GCNT1: variants seen among roughly 807,000 people sequenced by gnomAD.
The protein encoded by GCNT1 is beta-1,3-galactosyl-O-glycosyl-glycoprotein beta-1,6-N-acetylglucosaminyltransferase.
In GCNT1, 16 loss-of-function variants were observed where a neutral mutation model predicts 26.2. The ratio of observed to expected loss-of-function variants is 0.61; its 90% CI spans 0.41 to 0.93. The LOEUF is 0.93. Ranked by LOEUF, GCNT1 falls within the 40% of genes least tolerant of loss-of-function variation. The pLI is 0.00. For synonymous variants in GCNT1, 183 were observed against 190.8 expected, an observed-to-expected ratio of 0.96 and a Z score of 0.34; for missense variants, 477 against 526.7, an observed-to-expected ratio of 0.91 and a Z score of 0.92.
intron 1 of GCNT1, among the ~76,000 whole-genome samples, chr9:76,427,534 A>C (rs1164905478): frequency 6.6e-6 from 1 of 152,158 alleles, no homozygotes. Context: ...CTGAAGAAAA[A>C]TTTGACAATA....
At chr9:76,480,439 C>T (rs1423123852) in intron 2 of GCNT1, among the ~76,000 whole-genome samples, 2 of 152,094 alleles carry the variant, frequency 1.3e-5, no homozygotes, top group African/African-American at 4.8e-5. Context: ...CTATAAATTA[C>T]CTTGGGCAGT....
At position 76,503,718 on chromosome 9, in the gene GCNT1, C is replaced by A; in HGVS notation, c.*50C>A. 1 of 1,411,350 alleles carries A rather than the reference C, an allele frequency of 7.1e-7. No homozygotes were observed. Among genetic ancestry groups the A allele is most frequent in the Non-Finnish European group, 1.0e-6 (1 of 1,001,364 alleles). 87.4% of individuals were successfully genotyped at this position (1,411,350 alleles called of 1,614,324 possible). A position where few individuals can be genotyped will look rare whatever the true frequency, so the allele number is the denominator to read the frequency against. ...AGAAGAAGGATACACAAAACGTACC[C>A]TTATCTGTTTCCCCTTCCTTGTCAG... On this transcript the variant is annotated 3_prime_UTR_variant, in exon 4 of 4. Coordinates refer to ENST00000376730, the MANE Select transcript of GCNT1 (RefSeq NM_001490.5).
chr9:76,411,473 T>C, the GCNT1 span, among the ~76,000 whole-genome samples: 2 of 151,318 alleles, frequency 1.3e-5, no homozygotes, highest in African/African-American at 4.9e-5. Flanking sequence ...AAACTACACA[T>C]GTATGCCACC....
At chr9:76,413,665 T>TTG in the GCNT1 span, among the ~76,000 whole-genome samples, 1,491 of 116,800 alleles carry the variant, frequency 0.013, 24 homozygotes, top group Non-Finnish European at 0.022. Flanking sequence ...TTTTTTTTTT[T>TTG]TTGTTTTTTT....
chr9:76,458,257 A>G (rs962796205), upstream of GCNT1, among the ~76,000 whole-genome samples: 2 of 131,192 alleles, frequency 1.5e-5, no homozygotes, highest in Admixed American at 9.8e-5. Flanking sequence ...ATCTCGGCTC[A>G]CTGCAAGCTC....
intron 1 of GCNT1, among the ~76,000 whole-genome samples, chr9:76,449,644 C>G (rs1587417270): frequency 6.6e-6 from 1 of 152,208 alleles, no homozygotes; most frequent in Non-Finnish European, 1.5e-5. Context: ...CCCCATTTCC[C>G]TTGTCTAGTA....
the GCNT1 span, among the ~76,000 whole-genome samples, chr9:76,401,674 G>A: frequency 1.3e-5 from 2 of 152,182 alleles, no homozygotes; most frequent in African/African-American, 4.8e-5. Flanking sequence ...TATGGGAGAT[G>A]CCCAGGGAAT....
At chr9:76,408,720 C>G in the GCNT1 span, among the ~76,000 whole-genome samples, 1 of 152,096 alleles carries the variant, frequency 6.6e-6, no homozygotes, top group East Asian at 1.9e-4. Context: ...GAGTCTCACT[C>G]TGTCACCCAG....
upstream of GCNT1, among the ~76,000 whole-genome samples, chr9:76,456,849 C>A (rs1249569535): frequency 6.6e-6 from 1 of 152,154 alleles, no homozygotes; most frequent in Non-Finnish European, 1.5e-5. Context: ...TGGCACACAC[C>A]TGTAGTCCCA....
Position 76,503,801 on chromosome 9 carries a change from T to A in GCNT1, c.*133T>A, listed in dbSNP as rs1478774745. Reference sequence around the variant, plus strand: ...GCAGGGACTCTAGTAGATCTTCTTGTCAGAGAAGCTGCATGGTTTCTGCAG... The same window carrying A: ...GCAGGGACTCTAGTAGATCTTCTTGACAGAGAAGCTGCATGGTTTCTGCAG... On this transcript the variant is annotated 3_prime_UTR_variant, in exon 4 of 4. Transcript: ENST00000376730. The A allele has an allele frequency of 1.4e-6, 1 of 696,890 alleles. No homozygotes were observed. Among genetic ancestry groups the A allele is most frequent in the African/African-American group, 1.8e-5 (1 of 55,884 alleles). 43.2% of individuals were successfully genotyped at this position (696,890 alleles called of 1,614,324 possible).
chr9:76,456,930 G>A (rs924190974), upstream of GCNT1, among the ~76,000 whole-genome samples: 1 of 152,184 alleles, frequency 6.6e-6, no homozygotes, highest in African/African-American at 2.4e-5. Context: ...AGCTGTGATT[G>A]CGCCACTGTG....
At chr9:76,422,964 T>C (rs1156466466) in intron 1 of GCNT1, among the ~76,000 whole-genome samples, 1 of 152,260 alleles carries the variant, frequency 6.6e-6, no homozygotes, top group East Asian at 1.9e-4. Context: ...GGTAGACTAA[T>C]GTAATAAGTA....
In GCNT1 at chr9:76,483,403, G is replaced by T. The variant is rs945651428; in HGVS notation, c.-289-17513G>T. On this transcript the variant is annotated intron_variant, in intron 2 of 3. Transcript: ENST00000376730. ...AAGTTCTTTCTACTATTAAGGAGGG[G>T]TTTTTTTTTTATTGTTTTTTGTTTT... Among the ~76,000 whole-genome samples the T allele has an allele frequency of 4.6e-3, 691 of 148,788 alleles. 10 individuals carry two copies. Among genetic ancestry groups the T allele is most frequent in the African/African-American group, 0.016 (640 of 40,428 alleles).
intron 1 of GCNT1, among the ~76,000 whole-genome samples, chr9:76,424,159 A>C (rs900081003): frequency 1.1e-4 from 16 of 152,212 alleles, no homozygotes; most frequent in Non-Finnish European, 2.9e-5. Context: ...GGCAAAAATC[A>C]GACTGTAATA....
intron 2 of GCNT1, among the ~76,000 whole-genome samples, chr9:76,478,413 C>T (rs918821821): frequency 3.3e-5 from 5 of 152,084 alleles, no homozygotes; most frequent in South Asian, 4.2e-4. Context: ...AGGGAGACCA[C>T]GAACCCACGG....
At chr9:76,473,444 T>TA (rs1433136120) in intron 2 of GCNT1, among the ~76,000 whole-genome samples, 2 of 152,236 alleles carry the variant, frequency 1.3e-5, no homozygotes. Flanking sequence ...CTGAAAAAGT[T>TA]ACCCTTAGAC....
chr9:76,417,652 G>A (rs1187315268), upstream of GCNT1, among the ~76,000 whole-genome samples: 3 of 152,328 alleles, frequency 2.0e-5, no homozygotes, highest in East Asian at 5.8e-4. Context: ...GGGTGGGGGA[G>A]CCAAAGGCAT....
chr9:76,454,242 G>A (rs543955962), upstream of GCNT1, among the ~76,000 whole-genome samples: 4 of 151,904 alleles, frequency 2.6e-5, no homozygotes, highest in African/African-American at 9.7e-5. Flanking sequence ...GGGCATGGTT[G>A]GTGCATGCCT....
the GCNT1 span, among the ~76,000 whole-genome samples, chr9:76,401,309 C>T: frequency 6.6e-6 from 1 of 152,286 alleles, no homozygotes; most frequent in East Asian, 1.9e-4. Flanking sequence ...GGCTAGAGTG[C>T]AGTGGCTATT....
Sources: gnomAD v4.1 joint callset for allele counts (sites outside exome capture counted in the v4.1 genomes callset) on GRCh38, gnomAD v4.1.1 for gene constraint, MANE v1.5 for transcripts, NCBI Gene and HGNC (gene_info 2026-07-23, HGNC 2026-07-21) for gene names.